The following NLRP8 variants were observed in gnomAD, a reference collection of about 807,000 sequenced individuals.
NLRP8 encodes NLR family pyrin domain containing 8, also known as NACHT, LRR and PYD domains-containing protein 8.
A neutral mutation model predicts 88.7 loss-of-function variants in NLRP8; 86 were observed. That is an observed-to-expected ratio of 0.97 (90% CI 0.81 to 1.16). The LOEUF (loss-of-function observed/expected upper bound fraction) is 1.16. Ranked by LOEUF, NLRP8 falls within the 50% of genes most tolerant of loss-of-function variation. The pLI, the probability that NLRP8 is intolerant of heterozygous loss-of-function variation, is 0.00. For missense variants in NLRP8, 1,342 were observed against 1,286.5 expected, an observed-to-expected ratio of 1.04 and a Z score of -0.66; for synonymous variants, 504 against 494.6, an observed-to-expected ratio of 1.02 and a Z score of -0.25.
At chr19:55,969,968 T>G (rs1600309056) in intron 5 of NLRP8, among the ~76,000 whole-genome samples, 3 of 152,286 alleles carry the variant, frequency 2.0e-5, no homozygotes, top group East Asian at 3.9e-4. Flanking sequence ...CTAACGTCAC[T>G]GGATCTCAGT....
Position 55,976,162 on chromosome 19 carries a change from G to A in NLRP8, c.2735G>A (p.Cys912Tyr), listed in dbSNP as rs771557824. The change falls in exon 8 of 10, where the codon TGC becomes TAC. Residue 912 changes from cysteine to tyrosine, a missense_variant. Physicochemically the swap from Cys to Tyr is radical, Grantham distance 194. Transcript: ENST00000291971. ...AGAAAGTGTGACTTGACCTTTAATT[G>A]CTGTCAGGATATGATCTCTGCGCTC... The A allele has an allele frequency of 6.2e-7, 1 of 1,607,740 alleles. No individual in the cohort carries two copies. Among genetic ancestry groups the A allele is most frequent in the South Asian group, 1.1e-5 (1 of 89,484 alleles).
chr19:55,977,416 T>C (rs908813080), intron 8 of NLRP8, among the ~76,000 whole-genome samples: 8 of 145,322 alleles, frequency 5.5e-5, no homozygotes, highest in African/African-American at 1.7e-4. Flanking sequence ...TGTAAATATA[T>C]GTAAATATAC....
chr19:55,975,644 C>G (rs1980276146), intron 7 of NLRP8, among the ~76,000 whole-genome samples: 1 of 151,916 alleles, frequency 6.6e-6, no homozygotes, highest in Non-Finnish European at 1.5e-5. Flanking sequence ...GACGAATCTT[C>G]AAAATATTAT....
chr19:55,978,109 A>G (rs972932216), intron 8 of NLRP8, among the ~76,000 whole-genome samples: 1 of 152,142 alleles, frequency 6.6e-6, no homozygotes, highest in Non-Finnish European at 1.5e-5. Context: ...TTATGTTTCC[A>G]GTATACCTGT....
chr19:55,985,202 T>G lies in NLRP8; in HGVS notation c.3048-2612T>G, dbSNP rs141883324. On this transcript the variant is annotated intron_variant, in intron 9 of 9. Transcript: ENST00000291971. The stretch of plus-strand genomic sequence containing the variant: ...CCTGTAATCCCAGCTACTAGGGAGG[T>G]TGAGGCAGGAGAATCGCTTGAACTG... 8.5e-3 allele frequency among the ~76,000 whole-genome samples: 1,292 copies of G among 151,506 alleles called. 19 individuals are homozygous for G. The highest frequency in any genetic ancestry group is 0.029 in the African/African-American group (1,209 of 41,260).
intron 9 of NLRP8, among the ~76,000 whole-genome samples, chr19:55,984,538 C>T (rs926052806): frequency 6.6e-6 from 1 of 150,506 alleles, no homozygotes; most frequent in Non-Finnish European, 1.5e-5. Flanking sequence ...CCTGTGGTCC[C>T]AGCTACTTTT....
rs896816246 is a variant in NLRP8, at chr19:55,986,473, T to TACACACACACAC, written c.3048-1316_3048-1305dup. Among the ~76,000 whole-genome samples, 656 of 72,502 alleles carry TACACACACACAC rather than the reference T, an allele frequency of 9.0e-3. 3 individuals carry two copies. Among genetic ancestry groups the TACACACACACAC allele is most frequent in the Non-Finnish European group, 0.012 (407 of 33,154 alleles). 47.6% of individuals were successfully genotyped at this position (72,502 alleles called of 152,430 possible). On this transcript the variant is annotated intron_variant, in intron 9 of 9. Transcript: ENST00000291971. ...TCTCTCACACACACACTCTCTCACA[T>TACACACACACAC]ACACACACACACACACACACACACA...
At chr19:55,958,941 A>C (rs577440780) in intron 3 of NLRP8, among the ~76,000 whole-genome samples, 81 of 151,040 alleles carry the variant, frequency 5.4e-4, no homozygotes, top group African/African-American at 1.9e-3. Flanking sequence ...TGCAGTGGTG[A>C]GGTCTCGGAT....
At chr19:55,953,959 A>G (rs1162828619) in intron 2 of NLRP8, among the ~76,000 whole-genome samples, 2 of 148,976 alleles carry the variant, frequency 1.3e-5, no homozygotes, top group Admixed American at 1.3e-4. Flanking sequence ...GTGCACCACC[A>G]CGCCTGGCTA....
Position 55,970,520 on chromosome 19 carries a change from A to G in NLRP8, c.2382-24A>G, listed in dbSNP as rs545038243. 6 of 1,612,568 alleles carry G rather than the reference A, an allele frequency of 3.7e-6. No homozygotes were observed. In the South Asian group the frequency reaches 4.4e-5, roughly 12 times the overall value. On this transcript the variant is annotated intron_variant, in intron 5 of 9. Coordinates refer to ENST00000291971, the MANE Select transcript of NLRP8 (RefSeq NM_176811.2). ...ACCATTTTCCCCAGAACCATGGCTC[A>G]GCATTTGTATCTGGCTTCTACAGGT...
At chr19:55,961,545 TA>T (rs1480533595) in intron 3 of NLRP8, among the ~76,000 whole-genome samples, 2 of 152,198 alleles carry the variant, frequency 1.3e-5, no homozygotes, top group East Asian at 3.8e-4. Context: ...TTCACACCTG[TA>T]ACCCTAGCAC....
intron 5 of NLRP8, among the ~76,000 whole-genome samples, chr19:55,969,004 C>A (rs7251726): frequency 0.38 from 57,171 of 151,942 alleles, 12,636 homozygotes; most frequent in East Asian, 0.68. Context: ...AGGCATTTAC[C>A]CAACAGGCAC....
At position 55,954,783 on chromosome 19, in the gene NLRP8, A is replaced by G; in HGVS notation, c.725A>G (p.Tyr242Cys). The G allele has an allele frequency of 6.2e-7, 1 of 1,614,204 alleles. No individual in the cohort carries two copies. Among genetic ancestry groups the G allele is most frequent in the East Asian group, 2.2e-5 (1 of 44,890 alleles). ...GCCCACAAGCGCTGGTGTGCTTTCTACTTCCATTGCCAAGAGGTGAACCAG... is the reference window on the plus strand; with the variant it reads ...GCCCACAAGCGCTGGTGTGCTTTCTGCTTCCATTGCCAAGAGGTGAACCAG... The change falls in exon 3 of 10, where the codon TAC (tyrosine) becomes TGC (cysteine). Residue 242 changes from tyrosine to cysteine, a missense_variant. Coordinates refer to ENST00000291971, the MANE Select transcript of NLRP8 (RefSeq NM_176811.2).
intron 1 of NLRP8, 119 bp downstream of exon 1, chr19:55,948,388 A>G: frequency 9.5e-7 from 1 of 1,052,516 alleles, no homozygotes; most frequent in Non-Finnish European, 1.4e-6. Flanking sequence ...ACAGTGGAGG[A>G]AGATAATGGA....
intron 9 of NLRP8, among the ~76,000 whole-genome samples, chr19:55,985,513 A>G (rs1469428552): frequency 6.6e-6 from 1 of 152,152 alleles, no homozygotes; most frequent in African/African-American, 2.4e-5. Context: ...ATTGTAACAA[A>G]TGGTGCTAAA....
At chr19:55,950,485 A>G (rs1050704842) in intron 1 of NLRP8, among the ~76,000 whole-genome samples, 1 of 151,990 alleles carries the variant, frequency 6.6e-6, no homozygotes, top group Admixed American at 6.6e-5. Context: ...TTGTTCATGG[A>G]TTCTGTATTC....
At chr19:55,961,333 C>A (rs767082956) in intron 3 of NLRP8, among the ~76,000 whole-genome samples, 1 of 152,130 alleles carries the variant, frequency 6.6e-6, no homozygotes, top group Non-Finnish European at 1.5e-5. Flanking sequence ...AAACTACATG[C>A]CAATCTAGCT....
intron 9 of NLRP8, among the ~76,000 whole-genome samples, chr19:55,986,487 C>CACACACATACACACACACACACACACAT (rs1980843249): frequency 6.6e-6 from 1 of 151,128 alleles, no homozygotes; most frequent in African/African-American, 2.4e-5. Context: ...CACACACACA[C>CACACACATACACACACACACACACACAT]ACACACACAC....
chr19:55,952,623 G>A lies in NLRP8; in HGVS notation c.442+11G>A, dbSNP rs1979146547. On this transcript the variant is annotated intron_variant, in intron 2 of 9. Transcript: ENST00000291971. ...AGGAAGGAGAATCTGGTATGTGCCTGTATCACAGCAGACCCTGGTGAAAAA... is the reference window on the plus strand; with the variant it reads ...AGGAAGGAGAATCTGGTATGTGCCTATATCACAGCAGACCCTGGTGAAAAA... 3 of 1,610,384 alleles carry A rather than the reference G, an allele frequency of 1.9e-6. No homozygotes were observed. Among genetic ancestry groups the A allele is most frequent in the East Asian group, 2.2e-5 (1 of 44,854 alleles).
Sources: gnomAD v4.1 joint callset for allele counts (sites outside exome capture counted in the v4.1 genomes callset) on GRCh38, gnomAD v4.1.1 for gene constraint, MANE v1.5 for transcripts, NCBI Gene and HGNC (gene_info 2026-07-23, HGNC 2026-07-21) for gene names.